DOCK7: variants seen among roughly 807,000 people sequenced by gnomAD.
DOCK7 encodes the protein dedicator of cytokinesis 7, also known as dedicator of cytokinesis protein 7.
Under a neutral mutation model 271.0 loss-of-function variants are expected in DOCK7, and 138 were observed. That is an observed-to-expected ratio of 0.51 (90% confidence interval 0.44 to 0.59). The LOEUF is 0.59. DOCK7 is among the 20% of genes least tolerant of loss of function. The pLI, the probability that DOCK7 is intolerant of heterozygous loss-of-function variation, is 0.00. For synonymous variants in DOCK7, 823 were observed against 876.1 expected, an observed-to-expected ratio of 0.94 and a Z score of 1.07; for missense variants, 2,066 against 2,592.4, an observed-to-expected ratio of 0.80 and a Z score of 4.41.
At chr1:62,518,347 G>C (rs1226178621) in intron 31 of DOCK7, among the ~76,000 whole-genome samples, 2 of 152,144 alleles carry the variant, frequency 1.3e-5, no homozygotes, top group Non-Finnish European at 2.9e-5. Flanking sequence ...TGAGGTGGGT[G>C]GATCACGAGG....
Position 62,455,184 on chromosome 1 carries a change from T to C in DOCK7, c.*230A>G, listed in dbSNP as rs763567676. On this transcript the variant is annotated 3_prime_UTR_variant, in exon 50 of 50. Transcript: ENST00000635253. ...ATAATGGTAAATGTATAGTGTACCT[T>C]TGAGTCATTAAAATGTCTTAAAAGA... 6.1e-5 allele frequency: 39 copies of C among 640,244 alleles called. No homozygotes were observed. The highest frequency in any genetic ancestry group is 2.8e-6 in the Non-Finnish European group (1 of 360,804). The allele number at this position is 640,244 out of a possible 1,614,324, so 39.7% of individuals were successfully genotyped here.
At position 62,553,032 on chromosome 1, in the gene DOCK7, CT is replaced by C. The variant is rs66892340; in HGVS notation, c.2597-132del. On this transcript the variant is annotated intron_variant, in intron 21 of 49. Transcript: ENST00000635253. ...CTTTGGTTTCTAAATAAAAAATATA[CT>C]TTTTTTTTTTTTTTTTTTTTGAGAC... 0.4 allele frequency: 65,739 copies of C among 166,266 alleles called. 5,493 individuals carry two copies. Among genetic ancestry groups the C allele is most frequent in the Admixed American group, 0.47 (3,426 of 7,262 alleles). The allele number at this position is 166,266 out of a possible 1,614,324, so 10.3% of individuals were successfully genotyped here. A position where few individuals can be genotyped will look rare whatever the true frequency, so the allele number is the denominator to read the frequency against.
rs1387222870 is a variant in DOCK7, at chr1:62,523,736, G to A, written c.3936+4415C>T. On this transcript the variant is annotated intron_variant, in intron 31 of 49. Coordinates refer to ENST00000635253, the MANE Select transcript of DOCK7 (RefSeq NM_001367561.1). ...CAAAAAATTAGCCAGGCATGGTGGCGGGTGCCTATAGTCCCAGCTACTCAG... is the reference window on the plus strand; with the variant it reads ...CAAAAAATTAGCCAGGCATGGTGGCAGGTGCCTATAGTCCCAGCTACTCAG... Among the ~76,000 whole-genome samples, 4 of 151,880 alleles carry A rather than the reference G, an allele frequency of 2.6e-5. No individual in the cohort carries two copies. In the South Asian group the frequency reaches 8.3e-4, roughly 32 times the overall value.
At chr1:62,496,529 A>G (rs1172906293) in intron 37 of DOCK7, 32 bp from the exon 38 acceptor site, 2 of 1,566,932 alleles carry the variant, frequency 1.3e-6, no homozygotes, top group East Asian at 4.6e-5. Flanking sequence ...GTCAATACTT[A>G]ATATAGAAAA....
intron 2 of DOCK7, among the ~76,000 whole-genome samples, chr1:62,662,529 G>A (rs1011569919): frequency 4.6e-5 from 7 of 152,124 alleles, no homozygotes; most frequent in Non-Finnish European, 5.9e-5. Context: ...TTGGGAGGCC[G>A]AGGAAGGTGG....
intron 18 of DOCK7, among the ~76,000 whole-genome samples, chr1:62,566,582 C>G (rs1194643559): frequency 6.6e-6 from 1 of 152,128 alleles, no homozygotes; most frequent in Non-Finnish European, 1.5e-5. Flanking sequence ...AGACCTAACA[C>G]CATAAAAATC....
chr1:62,646,796 A>G (rs1243749351), intron 7 of DOCK7, among the ~76,000 whole-genome samples: 2 of 152,206 alleles, frequency 1.3e-5, no homozygotes, highest in African/African-American at 4.8e-5. Flanking sequence ...TGGGGTAATG[A>G]GTATGTTCTC....
chr1:62,523,815 C>T (rs368764417), intron 31 of DOCK7, among the ~76,000 whole-genome samples: 2 of 151,886 alleles, frequency 1.3e-5, no homozygotes, highest in Admixed American at 6.6e-5. Context: ...TGCAGTGAGC[C>T]GAGATTGTGC....
At chr1:62,688,192 C>A (rs1475102331) in intron 1 of DOCK7, 35 bp downstream of exon 1, 2 of 1,335,986 alleles carry the variant, frequency 1.5e-6, no homozygotes, top group African/African-American at 3.0e-5. Context: ...CTTTCTCGGG[C>A]GGCGGCGGCG....
chr1:62,483,149 A>G (rs867594766), intron 43 of DOCK7: 2 of 137,516 alleles, frequency 1.5e-5, no homozygotes, highest in African/African-American at 5.3e-5. Flanking sequence ...CTAGGACCAC[A>G]GGTACACACC....
chr1:62,537,696 G>A (rs1371292478), intron 28 of DOCK7, among the ~76,000 whole-genome samples, 195 bp downstream of exon 28: 2 of 151,704 alleles, frequency 1.3e-5, no homozygotes, highest in Non-Finnish European at 2.9e-5. Flanking sequence ...TTTCTAACCT[G>A]CAAAATGGGT....
intron 18 of DOCK7, among the ~76,000 whole-genome samples, chr1:62,570,980 A>G (rs1246115405): frequency 6.6e-6 from 1 of 152,218 alleles, no homozygotes; most frequent in African/African-American, 2.4e-5. Flanking sequence ...AACACCATTC[A>G]GGACACAGGC....
In DOCK7 at chr1:62,489,079, T is replaced by A. The variant is rs1049998998; in HGVS notation, c.5362-14A>T. 1.3e-6 allele frequency: 2 copies of A among 1,548,330 alleles called. No homozygotes were observed. Among genetic ancestry groups the A allele is most frequent in the Non-Finnish European group, 1.7e-6 (2 of 1,150,820 alleles). On this transcript the variant is annotated splice_polypyrimidine_tract_variant and intron_variant, in intron 41 of 49. Transcript: ENST00000635253. ...ATACATGCCAGCCTATAAGAAAAAATTTTGTTAAGATGTTGCTTTCTTTTA... is the reference window on the plus strand; with the variant it reads ...ATACATGCCAGCCTATAAGAAAAAAATTTGTTAAGATGTTGCTTTCTTTTA...
chr1:62,683,348 G>C (rs1306414430), intron 1 of DOCK7, among the ~76,000 whole-genome samples: 1 of 152,192 alleles, frequency 6.6e-6, no homozygotes, highest in Non-Finnish European at 1.5e-5. Flanking sequence ...AGTAGATTCT[G>C]TAGATTGAAA....
At chr1:62,535,323 A>G (rs1645307149) in intron 29 of DOCK7, among the ~76,000 whole-genome samples, 170 bp downstream of exon 29, 1 of 152,232 alleles carries the variant, frequency 6.6e-6, no homozygotes, top group South Asian at 2.1e-4. Context: ...AGTCTTTCAT[A>G]AAACTGATTA....
At chr1:62,564,188 A>G (rs1646433981) in intron 18 of DOCK7, among the ~76,000 whole-genome samples, 1 of 152,160 alleles carries the variant, frequency 6.6e-6, no homozygotes, top group South Asian at 2.1e-4. Context: ...GGTATTCAGG[A>G]CCTGAACTCA....
chr1:62,520,475 AG>A (rs148513064), intron 31 of DOCK7, among the ~76,000 whole-genome samples: 59,389 of 106,894 alleles, frequency 0.56, 12,481 homozygotes, highest in South Asian at 0.63. Context: ...GACATTTATG[AG>A]GCCAACAAAC....
intron 14 of DOCK7, among the ~76,000 whole-genome samples, chr1:62,600,495 C>G (rs1557780861): frequency 6.6e-6 from 1 of 151,744 alleles, no homozygotes; most frequent in Non-Finnish European, 1.5e-5. Context: ...GAAAAACTAT[C>G]ATTCAATAAA....
intron 1 of DOCK7, among the ~76,000 whole-genome samples, chr1:62,679,876 C>T (rs201716565): frequency 1.5e-4 from 23 of 151,948 alleles, no homozygotes; most frequent in Non-Finnish European, 2.4e-4. Context: ...CACTGCTCAA[C>T]GAAATAAAAG....
Sources: allele counts gnomAD v4.1 joint callset (sites outside exome capture counted in the v4.1 genomes callset), GRCh38; gene constraint gnomAD v4.1.1; transcripts MANE v1.5; gene names NCBI Gene and HGNC (gene_info 2026-07-23, HGNC 2026-07-21).